Variants in CHRDL1 observed in about 807,000 individuals in gnomAD.
CHRDL1 encodes the protein chordin like 1.
Under a neutral mutation model 40.9 loss-of-function variants are expected in CHRDL1, and 19 were observed. That is an observed-to-expected ratio of 0.46 (90% CI 0.32 to 0.68). The LOEUF (loss-of-function observed/expected upper bound fraction) is 0.68. CHRDL1 is among the 30% of genes least tolerant of loss of function. The probability of loss-of-function intolerance (pLI) is 0.03; values close to 1 mark genes in which losing one functional copy is unlikely to be tolerated. For synonymous variants in CHRDL1, 136 were observed against 123.4 expected (o/e 1.10, Z -0.68); for missense variants, 329 against 352.1 (o/e 0.93, Z 0.53).
At chrX:110,686,770 G>A (rs1022611474) in intron 9 of CHRDL1, among the ~76,000 whole-genome samples, 1 of 108,541 alleles carries the variant, frequency 9.2e-6, no homozygotes. Context: ...CCAGCTACTC[G>A]GGAGGCTGAG....
At chrX:110,751,793 A>C (rs1027693570) in intron 4 of CHRDL1, among the ~76,000 whole-genome samples, 4 of 111,742 alleles carry the variant, frequency 3.6e-5, no homozygotes, top group Non-Finnish European at 7.5e-5. Context: ...AAAAAGGGAA[A>C]TCAGTGTATT....
intron 2 of CHRDL1, among the ~76,000 whole-genome samples, chrX:110,784,807 G>C (rs1248002788): frequency 1.8e-5 from 2 of 111,757 alleles, no homozygotes; most frequent in Admixed American, 9.5e-5. Flanking sequence ...ATTAAGATGA[G>C]AACTGGAGAT....
At chrX:110,782,403 T>A (rs1248918947) in intron 2 of CHRDL1, among the ~76,000 whole-genome samples, 2 of 112,323 alleles carry the variant, frequency 1.8e-5, no homozygotes, top group Admixed American at 1.9e-4. Flanking sequence ...AACCAAAGAC[T>A]ATAACCTTTA....
intron 4 of CHRDL1, among the ~76,000 whole-genome samples, chrX:110,748,329 G>A (rs574444023): frequency 1.2e-4 from 13 of 112,037 alleles, no homozygotes; most frequent in African/African-American, 4.2e-4. Flanking sequence ...AGAGAAACAG[G>A]GGTACTGTTC....
intron 9 of CHRDL1, among the ~76,000 whole-genome samples, chrX:110,685,979 C>T (rs774220795): frequency 4.3e-4 from 46 of 106,855 alleles, no homozygotes; most frequent in South Asian, 8.6e-4. Context: ...GCCATTGCTC[C>T]CAGGCAATGA....
In CHRDL1 at chrX:110,685,515, G is replaced by A. The variant is rs151109563; in HGVS notation, c.988+3079C>T. ...TGGGCTCAAGCAATCTGTCCGCCTC[G>A]GACTCCCAAAGTGCTGGGATTACAA... On this transcript the variant is annotated intron_variant, in intron 9 of 11. Coordinates refer to ENST00000372042, the MANE Select transcript of CHRDL1 (RefSeq NM_001143981.2). Among the ~76,000 whole-genome samples, 802 of 111,668 alleles carry A rather than the reference G, an allele frequency of 7.2e-3. 6 individuals are homozygous for A. Among genetic ancestry groups the A allele is most frequent in the Admixed American group, 0.011 (117 of 10,514 alleles).
intron 7 of CHRDL1, among the ~76,000 whole-genome samples, chrX:110,698,548 C>A (rs936135043): frequency 8.9e-6 from 1 of 111,958 alleles, no homozygotes; most frequent in Non-Finnish European, 1.9e-5. Context: ...GTCTACCAGG[C>A]ACAAATGTTT....
intron 2 of CHRDL1, among the ~76,000 whole-genome samples, chrX:110,767,657 G>A (rs1158599499): frequency 9.4e-6 from 1 of 105,895 alleles, no homozygotes; most frequent in Non-Finnish European, 1.9e-5. Context: ...AAAATACTTA[G>A]GAATACATCT....
intron 7 of CHRDL1, among the ~76,000 whole-genome samples, chrX:110,699,855 T>C (rs896960087): frequency 8.9e-6 from 1 of 112,546 alleles, no homozygotes; most frequent in African/African-American, 3.2e-5. Flanking sequence ...GTTTTGTTTT[T>C]ATGAAAACAA....
intron 4 of CHRDL1, among the ~76,000 whole-genome samples, chrX:110,749,242 G>C (rs7882659): frequency 1.8e-5 from 2 of 111,395 alleles, no homozygotes; most frequent in African/African-American, 6.5e-5. Flanking sequence ...ATCAAAACAG[G>C]ATGAATTTAT....
chrX:110,781,150 ATAAGGCATCTTTCTC>A (rs1317571730), intron 2 of CHRDL1, among the ~76,000 whole-genome samples: 1 of 111,754 alleles, frequency 8.9e-6, no homozygotes, highest in African/African-American at 3.2e-5. Context: ...TAACATCTAA[ATAAGGCATCTTTCTC>A]TACCATTTCG....
At chrX:110,700,852 C>A in intron 6 of CHRDL1, 131 bp from the exon 7 acceptor site, 1 of 438,513 alleles carries the variant, frequency 2.3e-6, no homozygotes, top group South Asian at 5.1e-5. Context: ...TTGTGGCTGT[C>A]CTTCAAAAAG....
At chrX:110,687,185 T>C (rs1339217498) in intron 9 of CHRDL1, among the ~76,000 whole-genome samples, 1 of 111,654 alleles carries the variant, frequency 9.0e-6, no homozygotes, top group Admixed American at 9.5e-5. Flanking sequence ...AGAGTCAACA[T>C]TTTTAACCAG....
At chrX:110,722,314 T>C (rs1224167447) in intron 4 of CHRDL1, among the ~76,000 whole-genome samples, 1 of 111,068 alleles carries the variant, frequency 9.0e-6, no homozygotes, top group Non-Finnish European at 1.9e-5. Context: ...ACATTTTAAA[T>C]CACTTTTGTG....
At chrX:110,785,407 G>A (rs760068958) in intron 2 of CHRDL1, among the ~76,000 whole-genome samples, 2 of 111,896 alleles carry the variant, frequency 1.8e-5, no homozygotes, top group South Asian at 7.5e-4. Context: ...AGACACAGGA[G>A]ATGTGGAAAG....
At chrX:110,781,187 G>A in intron 2 of CHRDL1, among the ~76,000 whole-genome samples, 1 of 111,506 alleles carries the variant, frequency 9.0e-6, no homozygotes, top group Middle Eastern at 4.6e-3. Context: ...TGGGATGAGA[G>A]TTACTGTTTC....
At chrX:110,706,672 T>C (rs1193523422) in intron 6 of CHRDL1, among the ~76,000 whole-genome samples, 2 of 112,044 alleles carry the variant, frequency 1.8e-5, no homozygotes, top group East Asian at 5.6e-4. Context: ...AAGATAAGCC[T>C]CAGAGAGCAA....
intron 6 of CHRDL1, among the ~76,000 whole-genome samples, chrX:110,706,983 T>A (rs1358966988): frequency 1.8e-5 from 2 of 111,712 alleles, no homozygotes; most frequent in Non-Finnish European, 3.8e-5. Context: ...CAGGGAGGAA[T>A]AAACCCATTG....
rs201108546 is a variant in CHRDL1, at chrX:110,705,493, G to GAT, written c.542-4774_542-4773dup. ...CATCTATATCATACTAAAACTGTAT[G>GAT]ATATATATATATATATCATCTATAT... On this transcript the variant is annotated intron_variant, in intron 6 of 11. Transcript: ENST00000372042. Among the ~76,000 whole-genome samples the GAT allele has an allele frequency of 4.8e-3, 113 of 23,618 alleles. 1 individual carries two copies. The highest frequency in any genetic ancestry group is 0.028 in the East Asian group (14 of 505). The allele number at this position is 23,618 out of a possible 115,157, so 20.5% of individuals were successfully genotyped here.
Sources: gnomAD v4.1 joint callset for allele counts (sites outside exome capture counted in the v4.1 genomes callset) on GRCh38, gnomAD v4.1.1 for gene constraint, MANE v1.5 for transcripts, NCBI Gene and HGNC (gene_info 2026-07-23, HGNC 2026-07-21) for gene names.